The following ERCC6L2 variants were observed in gnomAD, a reference collection of about 807,000 sequenced individuals.
ERCC6L2 encodes ERCC excision repair 6 like 2.
Under a neutral mutation model 132.0 loss-of-function variants are expected in ERCC6L2, and 77 were observed. That is an observed-to-expected ratio of 0.58 (90% CI 0.49 to 0.71). ERCC6L2 has a LOEUF of 0.71. Ranked by LOEUF, ERCC6L2 falls within the 30% of genes least tolerant of loss-of-function variation. ERCC6L2 has a pLI of 0.00. For missense variants in ERCC6L2, 1,542 were observed against 1,837.6 expected, an observed-to-expected ratio of 0.84 and a Z score of 2.94; for synonymous variants, 583 against 632.4, an observed-to-expected ratio of 0.92 and a Z score of 1.17.
At chr9:95,970,690 C>A in intron 15 of ERCC6L2, 34 bp downstream of exon 15, 1 of 1,249,752 alleles carries the variant, frequency 8.0e-7, no homozygotes, top group Non-Finnish European at 1.0e-6. Flanking sequence ...ACTACAACAC[C>A]TAGAAAACAT....
intron 17 of ERCC6L2, among the ~76,000 whole-genome samples, chr9:95,998,697 T>G (rs146205806): frequency 6.6e-6 from 1 of 152,326 alleles, no homozygotes; most frequent in Non-Finnish European, 1.5e-5. Context: ...CAAAAAGGAA[T>G]GCAGCCCTGC....
chr9:96,016,510 T>G lies in ERCC6L2; in HGVS notation c.*3307T>G, dbSNP rs145806355. On this transcript the variant is annotated 3_prime_UTR_variant, in exon 19 of 19. Transcript: ENST00000653738. ...ATTTTTGCACTTGAATTCCTCAGGGTTCTCTTACAGCCCTGAAAACACCTC... is the reference window on the plus strand; with the variant it reads ...ATTTTTGCACTTGAATTCCTCAGGGGTCTCTTACAGCCCTGAAAACACCTC... Among the ~76,000 whole-genome samples, 12 of 152,314 alleles carry G rather than the reference T, an allele frequency of 7.9e-5. No individual in the cohort carries two copies. The East Asian group carries it at 1.9e-3, about 24-fold the overall frequency.
At chr9:95,970,991 T>A (rs1254854036) in intron 15 of ERCC6L2, among the ~76,000 whole-genome samples, 2 of 152,094 alleles carry the variant, frequency 1.3e-5, no homozygotes, top group African/African-American at 4.8e-5. Context: ...ACCATCAATG[T>A]GTATTTAAAA....
intron 11 of ERCC6L2, among the ~76,000 whole-genome samples, 163 bp from the exon 12 acceptor site, chr9:95,941,291 T>C (rs1247402586): frequency 6.6e-6 from 1 of 152,206 alleles, no homozygotes; most frequent in African/African-American, 2.4e-5. Context: ...GTGCCTTAAA[T>C]ATTTAATTTG....
intron 16 of ERCC6L2, 31 bp downstream of exon 16, chr9:95,973,119 A>G: frequency 8.0e-7 from 1 of 1,245,522 alleles, no homozygotes; most frequent in South Asian, 1.4e-5. Flanking sequence ...AAAACTTTAA[A>G]AAGTATATTT....
At chr9:95,926,194 C>T (rs1176245045) in intron 9 of ERCC6L2, among the ~76,000 whole-genome samples, 3 of 152,272 alleles carry the variant, frequency 2.0e-5, no homozygotes, top group African/African-American at 4.8e-5. Flanking sequence ...TCTCACAAAG[C>T]TCTTAACTAA....
At chr9:95,876,605 G>T (rs1409233602) in intron 1 of ERCC6L2, 1 of 152,428 alleles carries the variant, frequency 6.6e-6, no homozygotes, top group Non-Finnish European at 1.5e-5. Context: ...GAGGTTTAAA[G>T]AAGGTGTGAT....
chr9:95,936,218 C>T (rs1328113132), intron 11 of ERCC6L2, among the ~76,000 whole-genome samples: 1 of 152,152 alleles, frequency 6.6e-6, no homozygotes, highest in Non-Finnish European at 1.5e-5. Context: ...TGATACTTAG[C>T]ATGGCTTTTG....
At chr9:95,896,376 G>GT (rs1471049213) in intron 2 of ERCC6L2, among the ~76,000 whole-genome samples, 6 of 145,478 alleles carry the variant, frequency 4.1e-5, no homozygotes, top group Non-Finnish European at 7.6e-5. Flanking sequence ...TTGTCTATTT[G>GT]TTTTTTTGTT....
chr9:95,920,084 GGAA>G (rs1325487002), intron 6 of ERCC6L2, among the ~76,000 whole-genome samples: 2 of 152,204 alleles, frequency 1.3e-5, no homozygotes, highest in African/African-American at 4.8e-5. Flanking sequence ...AGCAAATGGT[GGAA>G]GAAGGACTGG....
At chr9:95,887,613 AG>A (rs1827941850) in intron 2 of ERCC6L2, among the ~76,000 whole-genome samples, 1 of 152,210 alleles carries the variant, frequency 6.6e-6, no homozygotes. Context: ...CTATATTATT[AG>A]ATATTACATT....
intron 17 of ERCC6L2, among the ~76,000 whole-genome samples, chr9:95,992,590 T>C (rs1469844656): frequency 6.6e-6 from 1 of 152,242 alleles, no homozygotes; most frequent in African/African-American, 2.4e-5. Context: ...TTTAGCACTT[T>C]ATTATTAATA....
At chr9:95,970,361 A>T (rs532406151) in intron 14 of ERCC6L2, among the ~76,000 whole-genome samples, 1 of 152,306 alleles carries the variant, frequency 6.6e-6, no homozygotes, top group East Asian at 1.9e-4. Context: ...AAACTTTAAC[A>T]CAAGAATTAA....
chr9:95,980,805 C>G (rs144893844), intron 17 of ERCC6L2, among the ~76,000 whole-genome samples: 1 of 152,220 alleles, frequency 6.6e-6, no homozygotes, highest in East Asian at 1.9e-4. Flanking sequence ...AAAAGAGACT[C>G]AATCATAGTG....
chr9:96,006,760 A>G (rs1833877442), intron 18 of ERCC6L2, among the ~76,000 whole-genome samples: 2 of 152,140 alleles, frequency 1.3e-5, no homozygotes, highest in Admixed American at 1.3e-4. Context: ...ACAGGCACAG[A>G]TGTGACATTT....
intron 3 of ERCC6L2, among the ~76,000 whole-genome samples, chr9:95,899,974 A>G (rs1421225659): frequency 1.3e-5 from 2 of 152,206 alleles, no homozygotes; most frequent in African/African-American, 4.8e-5. Context: ...ACCCACAGAT[A>G]TGGAGGAACT....
chr9:95,915,382 C>A (rs1280345782), intron 4 of ERCC6L2, among the ~76,000 whole-genome samples: 4 of 152,078 alleles, frequency 2.6e-5, no homozygotes, highest in Non-Finnish European at 5.9e-5. Flanking sequence ...TGGTTTGTTA[C>A]TTTAAAAAAT....
rs1834050978 is a variant in ERCC6L2, at chr9:96,012,259, T to G, written c.3709T>G (p.Ser1237Ala). The G allele has an allele frequency of 1.6e-6, 2 of 1,289,260 alleles. No homozygotes were observed. Among genetic ancestry groups the G allele is most frequent in the Non-Finnish European group, 2.0e-6 (2 of 979,448 alleles). The allele number at this position is 1,289,260 out of a possible 1,614,324, so 79.9% of individuals were successfully genotyped here. The stretch of plus-strand genomic sequence containing the variant: ...TGAAGAAATGGCCTCTTATTTTAAC[T>G]CGTCTTCTGTAAACGAATTTGCTAA... The part of the protein sequence containing the change: ...QFEEMASYFN[S>A]SSVNEFAKHI... Residue 1237 changes from serine (S) to alanine (A), a missense_variant, in exon 19 of 19, where the codon TCG (serine) becomes GCG (alanine). By Grantham distance (99) the Ser-to-Ala change is moderately conservative. Around this residue, in one of 4 missense-constraint regions of ERCC6L2, gnomAD observed 442 missense variants for 583.4 expected, o/e 0.76. Coordinates refer to ENST00000653738, the MANE Select transcript of ERCC6L2 (RefSeq NM_020207.7).
chr9:95,960,226 A>G (rs1831837240), intron 13 of ERCC6L2, among the ~76,000 whole-genome samples: 1 of 152,168 alleles, frequency 6.6e-6, no homozygotes, highest in African/African-American at 2.4e-5. Flanking sequence ...TAAGCACTGC[A>G]GTAGACAGAG....
Sources: gnomAD v4.1 joint callset for allele counts (sites outside exome capture counted in the v4.1 genomes callset) on GRCh38, gnomAD v4.1.1 for gene constraint, gnomAD v4.1.1 regional missense constraint, MANE v1.5 for transcripts, NCBI Gene and HGNC (gene_info 2026-07-23, HGNC 2026-07-21) for gene names.